HEMK2: variants seen among roughly 807,000 people sequenced by gnomAD.
HEMK2 encodes the protein methyltransferase HEMK2.
chr21:28,615,017 G>A, the HEMK2 span, among the ~76,000 whole-genome samples: 1 of 152,072 alleles, frequency 6.6e-6, no homozygotes, highest in Admixed American at 6.6e-5. Context: ...CTTGTCTACA[G>A]GGACAGAATT....
the HEMK2 span, among the ~76,000 whole-genome samples, chr21:28,716,336 G>C: frequency 6.6e-6 from 1 of 152,124 alleles, no homozygotes; most frequent in East Asian, 1.9e-4. Flanking sequence ...TCCTTGAAGA[G>C]ATCTCTCCCC....
chr21:28,764,514 A>G, the HEMK2 span, among the ~76,000 whole-genome samples: 1 of 152,162 alleles, frequency 6.6e-6, no homozygotes, highest in South Asian at 2.1e-4. Context: ...TACTTCTAGC[A>G]CACTTATGTC....
the HEMK2 span, among the ~76,000 whole-genome samples, chr21:28,842,075 C>T: frequency 6.6e-6 from 1 of 152,070 alleles, no homozygotes; most frequent in Non-Finnish European, 1.5e-5. Flanking sequence ...TTCTATGAGT[C>T]CTTCTAGAAA....
the HEMK2 span, among the ~76,000 whole-genome samples, chr21:28,713,450 C>T: frequency 6.6e-6 from 1 of 152,162 alleles, no homozygotes; most frequent in Non-Finnish European, 1.5e-5. Context: ...AGGCCTCCCT[C>T]ACTCATTCTT....
chr21:28,781,374 T>C, the HEMK2 span, among the ~76,000 whole-genome samples: 1 of 152,194 alleles, frequency 6.6e-6, no homozygotes, highest in Non-Finnish European at 1.5e-5. Context: ...CATTGAGTAA[T>C]TGGGCAAATG....
At chr21:28,639,947 T>C in the HEMK2 span, among the ~76,000 whole-genome samples, 1 of 152,092 alleles carries the variant, frequency 6.6e-6, no homozygotes, top group South Asian at 2.1e-4. Context: ...AGCAGGGATC[T>C]GAGGGGGTGG....
At chr21:28,847,070 T>C in the HEMK2 span, among the ~76,000 whole-genome samples, 1 of 152,230 alleles carries the variant, frequency 6.6e-6, no homozygotes, top group Non-Finnish European at 1.5e-5. Context: ...ATGTCTTTGC[T>C]ATTGTGAATA....
At chr21:28,654,989 G>A in the HEMK2 span, among the ~76,000 whole-genome samples, 4 of 152,058 alleles carry the variant, frequency 2.6e-5, no homozygotes, top group South Asian at 8.3e-4. Context: ...ACTTCATGCT[G>A]CTTAAATATC....
the HEMK2 span, among the ~76,000 whole-genome samples, chr21:28,682,475 AT>A: frequency 5.3e-5 from 8 of 151,344 alleles, no homozygotes; most frequent in Non-Finnish European, 1.2e-4. Context: ...TAGTTCAACC[AT>A]TGTGGAAGTC....
At chr21:28,841,939 G>C in the HEMK2 span, among the ~76,000 whole-genome samples, 6 of 152,334 alleles carry the variant, frequency 3.9e-5, no homozygotes, top group East Asian at 1.2e-3. Flanking sequence ...TCCACTGGGA[G>C]AGACTCTTGG....
At chr21:28,743,298 A>C in the HEMK2 span, 1 of 152,186 alleles carries the variant, frequency 6.6e-6, no homozygotes, top group African/African-American at 2.4e-5. Context: ...TTTAAAAAAA[A>C]GAGAGAGACA....
chr21:28,637,999 G>A, the HEMK2 span, among the ~76,000 whole-genome samples: 1 of 152,170 alleles, frequency 6.6e-6, no homozygotes, highest in African/African-American at 2.4e-5. Flanking sequence ...GTACAAAGTA[G>A]CCACAAATTA....
At chr21:28,817,693 A>G in the HEMK2 span, among the ~76,000 whole-genome samples, 1 of 152,192 alleles carries the variant, frequency 6.6e-6, no homozygotes, top group Non-Finnish European at 1.5e-5. Flanking sequence ...TGTCTGATGG[A>G]GTGAAGAAAA....
At chr21:28,789,935 A>T in the HEMK2 span, among the ~76,000 whole-genome samples, 2 of 152,284 alleles carry the variant, frequency 1.3e-5, no homozygotes, top group East Asian at 1.9e-4. Context: ...TTTTATTATT[A>T]AACATTGGTC....
At chr21:28,789,033 G>A in the HEMK2 span, among the ~76,000 whole-genome samples, 1 of 152,058 alleles carries the variant, frequency 6.6e-6, no homozygotes, top group Non-Finnish European at 1.5e-5. Flanking sequence ...AACCCCCTAA[G>A]AGGGAACAAA....
chr21:28,729,788 A>T, the HEMK2 span, among the ~76,000 whole-genome samples: 2 of 152,192 alleles, frequency 1.3e-5, no homozygotes, highest in Admixed American at 1.3e-4. Context: ...CAAGAAACTA[A>T]TATCTATGGA....
At chr21:28,725,785 C>G in the HEMK2 span, among the ~76,000 whole-genome samples, 1 of 152,136 alleles carries the variant, frequency 6.6e-6, no homozygotes, top group Admixed American at 6.6e-5. Flanking sequence ...CATCTATTCC[C>G]TAAAATAATT....
chr21:28,825,386 A>C, the HEMK2 span, among the ~76,000 whole-genome samples: 5 of 152,180 alleles, frequency 3.3e-5, no homozygotes, highest in African/African-American at 1.2e-4. Flanking sequence ...GTGCTAGTCT[A>C]GACTTTCAGC....
At chr21:28,642,875 G>C in the HEMK2 span, among the ~76,000 whole-genome samples, 1 of 152,158 alleles carries the variant, frequency 6.6e-6, no homozygotes, top group Non-Finnish European at 1.5e-5. Context: ...TGCTCTGCCG[G>C]CTAATGTCTT....
Sources: allele counts gnomAD v4.1 joint callset (sites outside exome capture counted in the v4.1 genomes callset), GRCh38; gene constraint gnomAD v4.1.1; transcripts MANE v1.5; gene names NCBI Gene and HGNC (gene_info 2026-07-23, HGNC 2026-07-21).